GPM6A: variants seen among roughly 807,000 people sequenced by gnomAD.
GPM6A encodes neuronal membrane glycoprotein M6-a.
In GPM6A, 7 loss-of-function variants were observed where a neutral mutation model predicts 32.1. The observed-to-expected ratio is 0.22, with a 90% CI of 0.12 to 0.41. The LOEUF (loss-of-function observed/expected upper bound fraction) is 0.41, where lower values mean the gene tolerates loss of function less well. Ranked by LOEUF, GPM6A falls within the 10% of genes least tolerant of loss-of-function variation. The probability of loss-of-function intolerance (pLI) is 1.00; values close to 1 mark genes in which losing one functional copy is unlikely to be tolerated. For missense variants in GPM6A, 235 were observed against 347.2 expected, an observed-to-expected ratio of 0.68 and a Z score of 2.57; for synonymous variants, 130 against 123.4, an observed-to-expected ratio of 1.05 and a Z score of -0.35.
At chr4:175,815,230 G>C (rs770774673), upstream of GPM6A, among the ~76,000 whole-genome samples, 1 of 152,064 alleles carries the variant, frequency 6.6e-6, no homozygotes, top group Non-Finnish European at 1.5e-5. Flanking sequence ...GGCCAGGCTG[G>C]TGTCAAATTC....
chr4:175,749,018 C>T lies in GPM6A; in HGVS notation c.38-47251G>A, dbSNP rs566016349. 2.4e-4 allele frequency among the ~76,000 whole-genome samples: 36 copies of T among 152,232 alleles called. 2 individuals are homozygous for T. In the South Asian group the frequency reaches 6.0e-3, roughly 25 times the overall value. On this transcript the variant is annotated intron_variant, in intron 1 of 6. Coordinates refer to ENST00000393658, the MANE Select transcript of GPM6A (RefSeq NM_201591.3). ...CTTCTCTTCTTTAACTTCCCCCCAC[C>T]TCAATCAGCCTTCACAGAATTAAAG...
intron 1 of GPM6A, among the ~76,000 whole-genome samples, chr4:175,781,572 G>A (rs1010728679): frequency 6.6e-6 from 1 of 151,952 alleles, no homozygotes; most frequent in African/African-American, 2.4e-5. Flanking sequence ...TCTAACTATG[G>A]GCATTCACTT....
chr4:175,716,210 A>G (rs946394843), intron 1 of GPM6A, among the ~76,000 whole-genome samples: 34 of 152,350 alleles, frequency 2.2e-4, no homozygotes, highest in Middle Eastern at 3.4e-3. Context: ...AGACAGATCC[A>G]AAAGTGGTCA....
At chr4:175,727,460 T>C (rs9312584) in intron 1 of GPM6A, among the ~76,000 whole-genome samples, 85,516 of 152,122 alleles carry the variant, frequency 0.56, 24,321 homozygotes, top group Non-Finnish European at 0.61. Context: ...TTCAATATCC[T>C]TAACTTTTAG....
At chr4:175,717,932 G>T (rs1361523910) in intron 1 of GPM6A, among the ~76,000 whole-genome samples, 1 of 152,144 alleles carries the variant, frequency 6.6e-6, no homozygotes, top group Non-Finnish European at 1.5e-5. Context: ...GGCATATGAA[G>T]TCACTTTTTA....
intron 1 of GPM6A, among the ~76,000 whole-genome samples, chr4:175,748,152 A>C (rs1193205356): frequency 1.3e-5 from 2 of 152,106 alleles, no homozygotes; most frequent in Non-Finnish European, 2.9e-5. Context: ...TGAACCCCTC[A>C]AAGTCACCCA....
chr4:175,835,515 T>C (rs1481468708), intron 1 of GPM6A, among the ~76,000 whole-genome samples: 1 of 151,390 alleles, frequency 6.6e-6, no homozygotes, highest in Admixed American at 6.6e-5. Flanking sequence ...AAACCTTCTC[T>C]GTCCTCCATT....
At chr4:175,995,463 C>T (rs67507321) in intron 1 of GPM6A, among the ~76,000 whole-genome samples, 20,002 of 150,492 alleles carry the variant, frequency 0.13, 1,793 homozygotes, top group Middle Eastern at 0.26. Flanking sequence ...TGTATATTAG[C>T]GATTAGCGAT....
intron 1 of GPM6A, among the ~76,000 whole-genome samples, chr4:175,898,235 C>T (rs751939798): frequency 1.7e-4 from 26 of 152,112 alleles, no homozygotes; most frequent in Non-Finnish European, 8.8e-5. Context: ...TTATGTCATT[C>T]CTCTGCCTAT....
chr4:175,987,524 T>TTTTG (rs1741013674), intron 1 of GPM6A, among the ~76,000 whole-genome samples: 1 of 148,602 alleles, frequency 6.7e-6, no homozygotes. Context: ...TAAAGTGTGT[T>TTTTG]TGTGTGTGTG....
intron 1 of GPM6A, among the ~76,000 whole-genome samples, chr4:175,709,355 G>T (rs1745398700): frequency 2.0e-5 from 3 of 146,916 alleles, no homozygotes; most frequent in South Asian, 4.3e-4. Flanking sequence ...CTCTCTCTCT[G>T]TCTGTCTTTC....
chr4:175,814,783 G>A (rs1027702178), upstream of GPM6A, among the ~76,000 whole-genome samples: 3 of 152,170 alleles, frequency 2.0e-5, no homozygotes, highest in African/African-American at 4.8e-5. Flanking sequence ...TCACCTGTCA[G>A]TAGGCTTTCA....
At chr4:175,869,053 TTTGAC>T (rs1285185830) in intron 1 of GPM6A, among the ~76,000 whole-genome samples, 1 of 152,212 alleles carries the variant, frequency 6.6e-6, no homozygotes, top group African/African-American at 2.4e-5. Flanking sequence ...ATTCCAGGCA[TTTGAC>T]TTGACTTAGT....
intron 1 of GPM6A, among the ~76,000 whole-genome samples, chr4:175,762,595 C>A (rs906195978): frequency 6.6e-6 from 1 of 152,028 alleles, no homozygotes; most frequent in Non-Finnish European, 1.5e-5. Context: ...GTATTCACTT[C>A]TAGACAGATA....
intron 1 of GPM6A, among the ~76,000 whole-genome samples, chr4:175,711,471 T>C (rs1487282972): frequency 3.0e-4 from 40 of 131,862 alleles, no homozygotes; most frequent in Non-Finnish European, 5.6e-4. Context: ...CACACATACA[T>C]ACATGTATAT....
At chr4:175,996,418 C>T (rs1396816063) in intron 1 of GPM6A, among the ~76,000 whole-genome samples, 1 of 152,164 alleles carries the variant, frequency 6.6e-6, no homozygotes, top group African/African-American at 2.4e-5. Context: ...AAACAGTTCA[C>T]TACAAAGCAT....
chr4:175,768,280 G>A (rs1733053166), intron 1 of GPM6A, among the ~76,000 whole-genome samples: 1 of 152,124 alleles, frequency 6.6e-6, no homozygotes, highest in African/African-American at 2.4e-5. Flanking sequence ...GTTTTAGACT[G>A]TGAATATTGT....
At chr4:175,985,792 T>A (rs572029175) in intron 1 of GPM6A, among the ~76,000 whole-genome samples, 97 of 152,236 alleles carry the variant, frequency 6.4e-4, no homozygotes, top group Admixed American at 1.4e-3. Flanking sequence ...ATTAAATATG[T>A]TTTCTTTCAT....
intron 1 of GPM6A, among the ~76,000 whole-genome samples, chr4:175,959,964 C>A (rs1331336141): frequency 1.3e-5 from 2 of 152,092 alleles, no homozygotes; most frequent in African/African-American, 4.8e-5. Flanking sequence ...CTCAAAATAA[C>A]CCTATGAGAA....
Sources: allele counts gnomAD v4.1 joint callset (sites outside exome capture counted in the v4.1 genomes callset), GRCh38; gene constraint gnomAD v4.1.1; transcripts MANE v1.5; gene names NCBI Gene and HGNC (gene_info 2026-07-23, HGNC 2026-07-21).